The following MYO16 variants were observed in gnomAD, a reference collection of about 807,000 sequenced individuals.
MYO16 encodes unconventional myosin-XVI.
Under a neutral mutation model 205.3 loss-of-function variants are expected in MYO16, and 94 were observed. The ratio of observed to expected loss-of-function variants is 0.46; its 90% confidence interval spans 0.39 to 0.54. The LOEUF is 0.54. Ranked by LOEUF, MYO16 falls within the 20% of genes least tolerant of loss-of-function variation. The pLI is 0.00. For missense variants in MYO16, 2,315 were observed against 2,387.5 expected (o/e 0.97, Z 0.63); for synonymous variants, 988 against 954.0 (o/e 1.04, Z -0.66).
chr13:109,013,123 C>CCCG (rs1161491373), intron 22 of MYO16, among the ~76,000 whole-genome samples: 1 of 119,298 alleles, frequency 8.4e-6, no homozygotes, highest in African/African-American at 3.0e-5. Context: ...CACCCCCCCC[C>CCCG]ACCCCACCAC....
intron 6 of MYO16, among the ~76,000 whole-genome samples, chr13:108,804,312 A>G (rs1887050524): frequency 6.6e-6 from 1 of 152,196 alleles, no homozygotes; most frequent in Admixed American, 6.5e-5. Flanking sequence ...GTGTTTGCTA[A>G]TATGCTGCTG....
chr13:108,695,337 T>C (rs1883052173), intron 2 of MYO16, among the ~76,000 whole-genome samples: 1 of 152,220 alleles, frequency 6.6e-6, no homozygotes, highest in Admixed American at 6.5e-5. Flanking sequence ...AACATTGATG[T>C]ATGGGTGTAT....
chr13:108,923,580 G>C (rs1398476657), intron 16 of MYO16, among the ~76,000 whole-genome samples: 1 of 152,236 alleles, frequency 6.6e-6, no homozygotes, highest in East Asian at 1.9e-4. Flanking sequence ...CCGCTGGCCA[G>C]CGCCTCACTA....
chr13:108,995,335 G>A (rs942627101), intron 21 of MYO16, among the ~76,000 whole-genome samples: 6 of 152,078 alleles, frequency 3.9e-5, no homozygotes, highest in African/African-American at 1.4e-4. Flanking sequence ...GACCTAAATC[G>A]CCTCCCAAAG....
At chr13:109,111,437 A>G (rs1248463526) in intron 28 of MYO16, among the ~76,000 whole-genome samples, 1 of 152,154 alleles carries the variant, frequency 6.6e-6, no homozygotes, top group Non-Finnish European at 1.5e-5. Flanking sequence ...ATACTAGGGC[A>G]TTTTTCCAGA....
chr13:108,856,110 G>A lies in MYO16; in HGVS notation c.1359+557G>A, dbSNP rs376176736. On this transcript the variant is annotated intron_variant, in intron 11 of 34. Transcript: ENST00000457511. Reference sequence around the variant, plus strand: ...ACAGCATGGAGAATTTATTTACTGCGGTTCTATCGTTATTTGTATGTTACT... The same window carrying A: ...ACAGCATGGAGAATTTATTTACTGCAGTTCTATCGTTATTTGTATGTTACT... Among the ~76,000 whole-genome samples the A allele has an allele frequency of 4.6e-5, 7 of 152,264 alleles. No homozygotes were observed. The East Asian group carries it at 7.7e-4, about 17-fold the overall frequency.
At chr13:108,516,493 C>G in the MYO16 span, among the ~76,000 whole-genome samples, 3 of 152,150 alleles carry the variant, frequency 2.0e-5, no homozygotes, top group African/African-American at 4.8e-5. Flanking sequence ...GCCATCTTGG[C>G]TCGGGAAGTG....
At chr13:108,793,193 G>A (rs1157529790) in intron 5 of MYO16, among the ~76,000 whole-genome samples, 1 of 151,760 alleles carries the variant, frequency 6.6e-6, no homozygotes, top group African/African-American at 2.4e-5. Flanking sequence ...GGCTGAGGCA[G>A]GAGAATGGCG....
At chr13:109,111,853 AT>A (rs1204325398) in intron 28 of MYO16, among the ~76,000 whole-genome samples, 1 of 151,900 alleles carries the variant, frequency 6.6e-6, no homozygotes, top group African/African-American at 2.4e-5. Flanking sequence ...CGCCCGGCTA[AT>A]TTTTTGTATT....
chr13:108,699,323 A>G (rs6492136), intron 2 of MYO16, among the ~76,000 whole-genome samples: 73,347 of 151,750 alleles, frequency 0.48, 18,083 homozygotes, highest in East Asian at 0.71. Context: ...GGTGTTCTTT[A>G]TTTTTGTTTT....
chr13:108,761,585 A>C (rs1885612181), intron 4 of MYO16, among the ~76,000 whole-genome samples: 1 of 152,216 alleles, frequency 6.6e-6, no homozygotes, highest in Admixed American at 6.5e-5. Context: ...GGTCACCAAT[A>C]AAAGGAAAAT....
chr13:109,089,610 A>G (rs542902807), intron 27 of MYO16, among the ~76,000 whole-genome samples: 1 of 152,210 alleles, frequency 6.6e-6, no homozygotes, highest in Non-Finnish European at 1.5e-5. Context: ...AGGAACATCT[A>G]TCATCCCATC....
intron 1 of MYO16, 69 bp downstream of exon 1, chr13:108,629,941 A>G: frequency 7.1e-7 from 1 of 1,408,806 alleles, no homozygotes. Flanking sequence ...TGCAGATGCC[A>G]AAATTAAGGC....
chr13:108,657,372 A>G (rs908571129), intron 1 of MYO16, among the ~76,000 whole-genome samples: 2 of 152,190 alleles, frequency 1.3e-5, no homozygotes, highest in Admixed American at 6.5e-5. Flanking sequence ...ATATCCTCCA[A>G]AAATAGAGGA....
chr13:109,096,286 A>G (rs1888773000), intron 27 of MYO16, among the ~76,000 whole-genome samples: 1 of 152,092 alleles, frequency 6.6e-6, no homozygotes, highest in Non-Finnish European at 1.5e-5. Flanking sequence ...CAGCTGTGTC[A>G]CTGACACCTC....
chr13:108,616,527 C>G (rs1250690982), intron 1 of MYO16, among the ~76,000 whole-genome samples: 1 of 152,074 alleles, frequency 6.6e-6, no homozygotes, highest in Admixed American at 6.6e-5. Context: ...GAACCATGGG[C>G]AGTAATCCTT....
chr13:108,611,985 T>TTC (rs1555332037), intron 1 of MYO16, among the ~76,000 whole-genome samples: 12 of 142,980 alleles, frequency 8.4e-5, no homozygotes, highest in Non-Finnish European at 1.1e-4. Context: ...TTTTTTTTTT[T>TTC]TTTTTTTTGA....
At chr13:108,660,929 G>T (rs1203896469) in intron 1 of MYO16, among the ~76,000 whole-genome samples, 1 of 152,074 alleles carries the variant, frequency 6.6e-6, no homozygotes, top group Admixed American at 6.6e-5. Flanking sequence ...GTTTTGATGT[G>T]TTTCCATGAT....
At chr13:108,603,454 G>T (rs919079051) in intron 1 of MYO16, among the ~76,000 whole-genome samples, 1 of 152,016 alleles carries the variant, frequency 6.6e-6, no homozygotes, top group Admixed American at 6.6e-5. Context: ...TACAACTTTG[G>T]TTTTTTATGA....
Sources: gnomAD v4.1 joint callset for allele counts (sites outside exome capture counted in the v4.1 genomes callset) on GRCh38, gnomAD v4.1.1 for gene constraint, MANE v1.5 for transcripts, NCBI Gene and HGNC (gene_info 2026-07-23, HGNC 2026-07-21) for gene names.